Variants in TSPAN1 observed in about 807,000 individuals in gnomAD.
TSPAN1 encodes tetraspanin 1.
In TSPAN1, 23 loss-of-function variants were observed where a neutral mutation model predicts 26.9. The ratio of observed to expected loss-of-function variants is 0.85; its 90% CI spans 0.62 to 1.21. The LOEUF (loss-of-function observed/expected upper bound fraction) is 1.21, where lower values mean the gene tolerates loss of function less well. Among genes scored for constraint, TSPAN1 ranks in the 50% most tolerant of loss-of-function variants. The probability of loss-of-function intolerance (pLI) is 0.00; values close to 1 mark genes in which losing one functional copy is unlikely to be tolerated. For synonymous variants in TSPAN1, 115 were observed against 114.8 expected, an observed-to-expected ratio of 1.00 and a Z score of -0.01; for missense variants, 283 against 298.4, an observed-to-expected ratio of 0.95 and a Z score of 0.38.
Position 46,176,604 on chromosome 1 carries a change from G to A in TSPAN1, c.-142+1195G>A, listed in dbSNP as rs1571632719. ...TCGTGGGCCCTGGCCCCTCCTCATGGGTCAGGCTCCTTCACAATCTTCTTT... is the reference window on the plus strand; with the variant it reads ...TCGTGGGCCCTGGCCCCTCCTCATGAGTCAGGCTCCTTCACAATCTTCTTT... On this transcript the variant is annotated intron_variant, in intron 1 of 8. Coordinates refer to ENST00000372003, the MANE Select transcript of TSPAN1 (RefSeq NM_005727.4). 4.5e-6 allele frequency: 5 copies of A among 1,108,382 alleles called. No homozygotes were observed. The East Asian group carries it at 1.0e-4, about 23-fold the overall frequency. 68.7% of individuals were successfully genotyped at this position (1,108,382 alleles called of 1,614,324 possible). A position where few individuals can be genotyped will look rare whatever the true frequency, so the allele number is the denominator to read the frequency against.
chr1:46,182,316 A>AAAAAAAAAAAAAAAAAAAAAAAAAAAAC (rs1657332290), intron 3 of TSPAN1, among the ~76,000 whole-genome samples: 1 of 147,434 alleles, frequency 6.8e-6, no homozygotes, highest in Non-Finnish European at 1.5e-5. Flanking sequence ...AAAAAAAAAA[A>AAAAAAAAAAAAAAAAAAAAAAAAAAAAC]AGCCACTGTG....
In TSPAN1 at chr1:46,185,670, AG is replaced by A; in HGVS notation, c.*138del. ...AGAATGGACCTGCCCTTTCTGCTCC[AG>A]ACTTGGGGCTAGATAGGGACCACTC... On this transcript the variant is annotated 3_prime_UTR_variant, in exon 9 of 9. Coordinates refer to ENST00000372003, the MANE Select transcript of TSPAN1 (RefSeq NM_005727.4). The A allele has an allele frequency of 1.0e-6, 1 of 989,644 alleles. No homozygotes were observed. The highest frequency in any genetic ancestry group is 1.5e-6 in the Non-Finnish European group (1 of 649,052). 61.3% of individuals were successfully genotyped at this position (989,644 alleles called of 1,614,324 possible).
the TSPAN1 span, chr1:46,194,815 A>G: frequency 9.9e-6 from 16 of 1,613,528 alleles, no homozygotes; most frequent in African/African-American, 1.3e-5. Context: ...TCTTGATACT[A>G]CAGAGTGGAT....
chr1:46,175,504 A>G (rs1342611443), intron 1 of TSPAN1, 95 bp downstream of exon 1: 1 of 398,552 alleles, frequency 2.5e-6, no homozygotes, highest in African/African-American at 2.1e-5. Flanking sequence ...GAATGACTGT[A>G]TTTGTTGTTC....
downstream of TSPAN1, among the ~76,000 whole-genome samples, chr1:46,186,307 T>C (rs1056560909): frequency 6.6e-6 from 1 of 151,964 alleles, no homozygotes; most frequent in Non-Finnish European, 1.5e-5. Context: ...AAAGGGTCAC[T>C]CCTTAGGTTC....
downstream of TSPAN1, chr1:46,190,675 CA>C: frequency 6.4e-7 from 1 of 1,574,394 alleles, no homozygotes; most frequent in Non-Finnish European, 8.7e-7. Flanking sequence ...GACTGGCCTC[CA>C]AATCTCCTAG....
chr1:46,181,857 T>C (rs1185791144), intron 3 of TSPAN1, among the ~76,000 whole-genome samples: 2 of 152,160 alleles, frequency 1.3e-5, no homozygotes, highest in African/African-American at 4.8e-5. Flanking sequence ...GGGGGAGTTA[T>C]AAAGCATGCA....
chr1:46,179,350 T>C (rs1657257569), intron 1 of TSPAN1, among the ~76,000 whole-genome samples: 1 of 151,514 alleles, frequency 6.6e-6, no homozygotes, highest in Non-Finnish European at 1.5e-5. Flanking sequence ...CTCCATCTCA[T>C]AGCCCCACTG....
At position 46,185,023 on chromosome 1, in the gene TSPAN1, A is replaced by G. The variant is rs750784893; in HGVS notation, c.502A>G (p.Ser168Gly). The G allele has an allele frequency of 3.8e-5, 61 of 1,614,076 alleles. No homozygotes were observed. Among genetic ancestry groups the G allele is most frequent in the Non-Finnish European group, 4.9e-5 (58 of 1,180,058 alleles). ...FEDSPYFKEN[S>G]AFPPFCCNDN... ...GGACTCACCCTACTTCAAAGAGAAC[A>G]GTGCCTTTCCCCCATTCTGTTGCAA... The change falls in exon 7 of 9, where the codon AGT becomes GGT. Residue 168 changes from serine to glycine, a missense_variant. Transcript: ENST00000372003.
Position 46,185,613 on chromosome 1 carries a change from A to T in TSPAN1, c.*80A>T. 2.7e-6 allele frequency: 4 copies of T among 1,500,842 alleles called. No homozygotes were observed. Among genetic ancestry groups the T allele is most frequent in the Non-Finnish European group, 3.7e-6 (4 of 1,083,878 alleles). The allele number at this position is 1,500,842 out of a possible 1,614,324, so 93.0% of individuals were successfully genotyped here. Reference sequence around the variant, plus strand: ...CCTGGCAAGCAGCAGTGATTGGGGGAGGGGACAGGATCTAACAATGTCACT... The same window carrying T: ...CCTGGCAAGCAGCAGTGATTGGGGGTGGGGACAGGATCTAACAATGTCACT... On this transcript the variant is annotated 3_prime_UTR_variant, in exon 9 of 9. Transcript: ENST00000372003.
downstream of TSPAN1, among the ~76,000 whole-genome samples, chr1:46,186,175 C>T (rs1043719678): frequency 1.3e-5 from 2 of 152,144 alleles, no homozygotes; most frequent in Non-Finnish European, 2.9e-5. Flanking sequence ...TGGGTTAGGC[C>T]AGTCTGCCTC....
At chr1:46,194,509 C>G in the TSPAN1 span, 2 of 1,614,144 alleles carry the variant, frequency 1.2e-6, no homozygotes, top group Admixed American at 1.7e-5. Context: ...TAAATGCCCA[C>G]CCCCAGCCCA....
chr1:46,191,576 T>G, the TSPAN1 span: 5 of 217,586 alleles, frequency 2.3e-5, no homozygotes, highest in African/African-American at 1.2e-4. Context: ...TTCAAAGCAC[T>G]TTACATATAT....
chr1:46,185,175 A>G (rs1255505498), intron 7 of TSPAN1, 50 bp from the exon 8 acceptor site: 1 of 1,613,976 alleles, frequency 6.2e-7, no homozygotes, highest in Admixed American at 1.7e-5. Context: ...GCAAACGGGG[A>G]TGGGAGTAGG....
intron 8 of TSPAN1, 71 bp downstream of exon 8, chr1:46,185,379 C>T: frequency 6.2e-7 from 1 of 1,608,806 alleles, no homozygotes; most frequent in Non-Finnish European, 8.5e-7. Flanking sequence ...TCTGAGGCCT[C>T]TCTGGAGGAA....
chr1:46,185,705 C>T lies in TSPAN1; in HGVS notation c.*172C>T, dbSNP rs944628841. 3.5e-5 allele frequency: 25 copies of T among 707,508 alleles called. No individual in the cohort carries two copies. The highest frequency in any genetic ancestry group is 3.6e-4 in the Middle Eastern group (1 of 2,782). The allele number at this position is 707,508 out of a possible 1,614,324, so 43.8% of individuals were successfully genotyped here. On this transcript the variant is annotated 3_prime_UTR_variant, in exon 9 of 9. Coordinates refer to ENST00000372003, the MANE Select transcript of TSPAN1 (RefSeq NM_005727.4). ...CTAGATAGGGACCACTCCTTTTAGG[C>T]GATGCCTGACTTTCCTTCCATTGGT...
At chr1:46,189,099 G>C (rs978902686), downstream of TSPAN1, 57 of 1,500,898 alleles carry the variant, frequency 3.8e-5, no homozygotes, top group African/African-American at 4.1e-4. Context: ...ACTCAGGAAC[G>C]GGGTGTTGGA....
At chr1:46,178,886 G>A (rs1557663822) in intron 1 of TSPAN1, among the ~76,000 whole-genome samples, 1 of 152,188 alleles carries the variant, frequency 6.6e-6, no homozygotes, top group Admixed American at 6.5e-5. Context: ...TCATGGGATG[G>A]TTGTGAAGAG....
chr1:46,181,900 T>G (rs1657322491), intron 3 of TSPAN1, among the ~76,000 whole-genome samples: 1 of 152,066 alleles, frequency 6.6e-6, no homozygotes, highest in Non-Finnish European at 1.5e-5. Flanking sequence ...CTTGATATCG[T>G]TCAGAAAACC....
Sources: allele counts gnomAD v4.1 joint callset (sites outside exome capture counted in the v4.1 genomes callset), GRCh38; gene constraint gnomAD v4.1.1; transcripts MANE v1.5; gene names NCBI Gene and HGNC (gene_info 2026-07-23, HGNC 2026-07-21).